CXCL17: variants seen among roughly 807,000 people sequenced by gnomAD.
CXCL17 encodes the protein C-X-C motif chemokine ligand 17, also known as C-X-C motif chemokine 17.
CXCL17 carries 9 observed loss-of-function variants against 15.5 expected under a neutral mutation model. The ratio of observed to expected loss-of-function variants is 0.58; its 90% CI spans 0.35 to 1.01. The LOEUF (loss-of-function observed/expected upper bound fraction) is 1.01. CXCL17 is among the 50% of genes least tolerant of loss of function. CXCL17 has a pLI of 0.02. For missense variants in CXCL17, 133 were observed against 138.2 expected, an observed-to-expected ratio of 0.96 and a Z score of 0.19; for synonymous variants, 52 against 52.3, an observed-to-expected ratio of 0.99 and a Z score of 0.02.
chr19:42,438,652 G>A (rs765111339), intron 1 of CXCL17, among the ~76,000 whole-genome samples: 1 of 151,930 alleles, frequency 6.6e-6, no homozygotes, highest in Non-Finnish European at 1.5e-5. Context: ...CTATCAGTCA[G>A]TGCCCATAGT....
rs551241189 is a variant in CXCL17, at chr19:42,428,597, A to G, written c.*287T>C. ...TTTGCTACTTTCCTGATTGCATTTA[A>G]GGTTAAATGACACTAGCTAGGAAGC... is the stretch of plus-strand genomic sequence containing the variant. On this transcript the variant is annotated 3_prime_UTR_variant, in exon 4 of 4. Coordinates refer to ENST00000601181, the MANE Select transcript of CXCL17 (RefSeq NM_198477.3). 1.6e-4 allele frequency: 46 copies of G among 289,392 alleles called. 1 individual carries two copies. The South Asian group carries it at 4.0e-3, about 25-fold the overall frequency. 17.9% of individuals were successfully genotyped at this position (289,392 alleles called of 1,614,324 possible).
chr19:42,441,995 A>G (rs1001745830), intron 1 of CXCL17, among the ~76,000 whole-genome samples: 4 of 152,186 alleles, frequency 2.6e-5, no homozygotes, highest in African/African-American at 9.7e-5. Context: ...ATTCCAGTGC[A>G]CTGTAAAGAA....
rs189071610 is a variant in CXCL17 at position 42,430,241 on chromosome 19, C to T, written c.263-1260G>A. Among the ~76,000 whole-genome samples the T allele has an allele frequency of 3.8e-3, 579 of 152,254 alleles. 6 individuals carry two copies. Among genetic ancestry groups the T allele is most frequent in the African/African-American group, 0.013 (546 of 41,550 alleles). On this transcript the variant is annotated intron_variant, in intron 3 of 3. Coordinates refer to ENST00000601181, the MANE Select transcript of CXCL17 (RefSeq NM_198477.3). ...CTATAGAAGTTCATAGAAACCTATA[C>T]ATGCAATTCAATAAATAGTTATAAA...
intron 3 of CXCL17, 46 bp from the exon 4 acceptor site, chr19:42,429,027 A>C (rs1225458373): frequency 6.8e-7 from 1 of 1,476,114 alleles, no homozygotes; most frequent in African/African-American, 1.4e-5. Flanking sequence ...AACCATTTTT[A>C]ACATTTCTTT....
intron 3 of CXCL17, 87 bp downstream of exon 3, chr19:42,432,889 C>T (rs1486236805): frequency 8.3e-6 from 8 of 965,590 alleles, no homozygotes; most frequent in Non-Finnish European, 1.3e-5. Context: ...TTAATTTCAC[C>T]TCTTTTTTCT....
At chr19:42,439,361 T>C (rs1352112832) in intron 1 of CXCL17, among the ~76,000 whole-genome samples, 1 of 152,068 alleles carries the variant, frequency 6.6e-6, no homozygotes, top group African/African-American at 2.4e-5. Flanking sequence ...AAATCACTAT[T>C]TGGCCAACAC....
chr19:42,431,270 A>G (rs2040777841), intron 3 of CXCL17, among the ~76,000 whole-genome samples: 1 of 152,142 alleles, frequency 6.6e-6, no homozygotes, highest in Non-Finnish European at 1.5e-5. Context: ...TGTCTGTTGT[A>G]TTTCCTGCCC....
In CXCL17 at chr19:42,433,013, G is replaced by A. The variant is rs1407823725; in HGVS notation, c.225C>T (p.Cys75=). The A allele has an allele frequency of 3.7e-6, 6 of 1,613,916 alleles. No individual in the cohort carries two copies. The highest frequency in any genetic ancestry group is 2.2e-5 in the East Asian group (1 of 44,886). The change falls in exon 3 of 4, where the codon TGC becomes TGT. Residue 75 remains cysteine (C), a synonymous_variant. Transcript: ENST00000601181. Reference sequence around the variant, plus strand: ...CATTGCCCTTGAAATGATCACAGGGGCACTGCTTCTTTGGCAGCCCAGACA... The same window carrying A: ...CATTGCCCTTGAAATGATCACAGGGACACTGCTTCTTTGGCAGCCCAGACA... The part of the protein sequence containing the change: ...MTVSGLPKKQ[C]PCDHFKGNVK...
chr19:42,428,694 C>T lies in CXCL17; in HGVS notation c.*190G>A, dbSNP rs1020320059. 9 of 598,976 alleles carry T rather than the reference C, an allele frequency of 1.5e-5. No individual in the cohort carries two copies. The highest frequency in any genetic ancestry group is 5.6e-5 in the Admixed American group (2 of 35,478). The allele number at this position is 598,976 out of a possible 1,614,324, so 37.1% of individuals were successfully genotyped here. ...AGGGGAGGGCACAGGCTAAGACTGA[C>T]GAGAGAAGAAGACACTAGAGAGAGC... On this transcript the variant is annotated 3_prime_UTR_variant, in exon 4 of 4. Coordinates refer to ENST00000601181, the MANE Select transcript of CXCL17 (RefSeq NM_198477.3).
rs1338461942 is a variant in CXCL17 at position 42,428,911 on chromosome 19, C to T, written c.333G>A (p.Gln111=). ...ACAAAGGCAGAGCAAAGCTTCTTAG[C>T]TGACATTGTTTGAGAAATTGCTGGC... ...RACQQFLKQC[Q]LRSFALPL is the part of the protein sequence containing the mutation. The change falls in exon 4 of 4, where the codon CAG becomes CAA. Residue 111 remains glutamine, a synonymous_variant. Coordinates refer to ENST00000601181, the MANE Select transcript of CXCL17 (RefSeq NM_198477.3). The T allele has an allele frequency of 5.6e-6, 9 of 1,613,984 alleles. No individual in the cohort carries two copies. The highest frequency in any genetic ancestry group is 7.6e-6 in the Non-Finnish European group (9 of 1,179,976).
chr19:42,438,381 A>AAAAAATATATATATATATATATAT (rs1555793041), intron 1 of CXCL17, among the ~76,000 whole-genome samples: 1 of 63,860 alleles, frequency 1.6e-5, no homozygotes, highest in African/African-American at 7.6e-5. Flanking sequence ...AAAAAAAAAA[A>AAAAAATATATATATATATATATAT]ATATATATAT....
intron 3 of CXCL17, 78 bp from the exon 4 acceptor site, chr19:42,429,059 G>T: frequency 8.7e-7 from 1 of 1,144,126 alleles, no homozygotes; most frequent in Non-Finnish European, 1.3e-6. Context: ...ACGGAGTCTT[G>T]CTCTATTGCC....
chr19:42,431,059 C>T (rs559142632), intron 3 of CXCL17, among the ~76,000 whole-genome samples: 6 of 152,278 alleles, frequency 3.9e-5, no homozygotes, highest in African/African-American at 7.2e-5. Context: ...AGGCTGGTCT[C>T]GAACTCCTGA....
At chr19:42,429,839 G>C (rs2040759211) in intron 3 of CXCL17, among the ~76,000 whole-genome samples, 1 of 152,112 alleles carries the variant, frequency 6.6e-6, no homozygotes, top group Admixed American at 6.6e-5. Flanking sequence ...AAACAAAAAT[G>C]AGATTATACT....
At chr19:42,442,710 A>G (rs376707369) in intron 1 of CXCL17, 44 bp downstream of exon 1, 31 of 1,449,436 alleles carry the variant, frequency 2.1e-5, no homozygotes, top group Admixed American at 1.7e-4. Flanking sequence ...CTGTTTTGCC[A>G]CATTTCTCCC....
intron 3 of CXCL17, 40 bp downstream of exon 3, chr19:42,432,936 G>A (rs182579284): frequency 6.8e-7 from 1 of 1,469,640 alleles, no homozygotes; most frequent in Non-Finnish European, 9.5e-7. Flanking sequence ...ATTTCACGGA[G>A]TGACTCTGGT....
Position 42,433,261 on chromosome 19 carries a change from C to T in CXCL17, c.161-184G>A, listed in dbSNP as rs566900198. On this transcript the variant is annotated intron_variant, in intron 2 of 3. Coordinates refer to ENST00000601181, the MANE Select transcript of CXCL17 (RefSeq NM_198477.3). ...TGCCAGTATTTCTGAGTTGTTTTTC[C>T]TGACAACTTTGGGCAAGGTTTGGGC... is the stretch of plus-strand genomic sequence containing the variant. Among the ~76,000 whole-genome samples, 5 of 152,286 alleles carry T rather than the reference C, an allele frequency of 3.3e-5. No individual in the cohort carries two copies. In the South Asian group the frequency reaches 1.0e-3, roughly 32 times the overall value.
Position 42,429,058 on chromosome 19 carries a change from TG to T in CXCL17, c.263-78del, listed in dbSNP as rs2040747503. 9 of 1,148,084 alleles carry T rather than the reference TG, an allele frequency of 7.8e-6. No individual in the cohort carries two copies. In the Admixed American group the frequency reaches 1.6e-4, roughly 20 times the overall value. The allele number at this position is 1,148,084 out of a possible 1,614,324, so 71.1% of individuals were successfully genotyped here. ...TCTTTTTTTTTTGGAGACGGAGTCT[TG>T]CTCTATTGCCCAGGCTGGAGTGCAG... On this transcript the variant is annotated intron_variant, in intron 3 of 3. Coordinates refer to ENST00000601181, the MANE Select transcript of CXCL17 (RefSeq NM_198477.3).
At chr19:42,439,636 C>T (rs1006556624) in intron 1 of CXCL17, among the ~76,000 whole-genome samples, 8 of 152,290 alleles carry the variant, frequency 5.3e-5, no homozygotes, top group East Asian at 1.9e-4. Flanking sequence ...TGAGAGATAT[C>T]GACATCCTGG....
Sources: gnomAD v4.1 joint callset for allele counts (sites outside exome capture counted in the v4.1 genomes callset) on GRCh38, gnomAD v4.1.1 for gene constraint, MANE v1.5 for transcripts, NCBI Gene and HGNC (gene_info 2026-07-23, HGNC 2026-07-21) for gene names.